CLEC2A: variants seen among roughly 807,000 people sequenced by gnomAD.
The protein encoded by CLEC2A is C-type lectin domain family 2 member A.
A neutral mutation model predicts 18.6 loss-of-function variants in CLEC2A; 19 were observed. The ratio of observed to expected loss-of-function variants is 1.02; its 90% CI spans 0.71 to 1.50. The LOEUF (loss-of-function observed/expected upper bound fraction) is 1.50, where lower values mean the gene tolerates loss of function less well. CLEC2A is among the 40% of genes most tolerant of loss of function. The pLI is 0.00. For synonymous variants in CLEC2A, 74 were observed against 64.0 expected, an observed-to-expected ratio of 1.16 and a Z score of -0.75; for missense variants, 190 against 207.9, an observed-to-expected ratio of 0.91 and a Z score of 0.53.
At chr12:9,909,712 T>G (rs1254738932), downstream of CLEC2A, among the ~76,000 whole-genome samples, 4 of 152,156 alleles carry the variant, frequency 2.6e-5, no homozygotes, top group African/African-American at 4.8e-5. Context: ...TTGCTCTACC[T>G]CACGTTGGAG....
At chr12:9,889,094 A>G in the CLEC2A span, among the ~76,000 whole-genome samples, 2 of 152,222 alleles carry the variant, frequency 1.3e-5, no homozygotes. Context: ...TGTGACATGT[A>G]ATGGCTGCAG....
intron 4 of CLEC2A, among the ~76,000 whole-genome samples, chr12:9,903,392 A>C (rs1441999221): frequency 6.6e-6 from 1 of 152,206 alleles, no homozygotes; most frequent in Non-Finnish European, 1.5e-5. Flanking sequence ...CAGCAAAAGA[A>C]GTAAGGATTG....
chr12:9,897,993 A>G (rs1429765852), downstream of CLEC2A, among the ~76,000 whole-genome samples: 1 of 152,240 alleles, frequency 6.6e-6, no homozygotes, highest in Non-Finnish European at 1.5e-5. Context: ...ATTTTCATTA[A>G]AAAGAAATCA....
downstream of CLEC2A, among the ~76,000 whole-genome samples, chr12:9,912,473 G>A (rs1863001766): frequency 6.6e-6 from 1 of 152,162 alleles, no homozygotes; most frequent in Non-Finnish European, 1.5e-5. Context: ...GAAAATAGGA[G>A]CGACAGTGAG....
At chr12:9,915,080 C>G (rs1423742850) in intron 4 of CLEC2A, among the ~76,000 whole-genome samples, 1 of 151,674 alleles carries the variant, frequency 6.6e-6, no homozygotes, top group Non-Finnish European at 1.5e-5. Flanking sequence ...ATTTATGCAG[C>G]CAACAAACAT....
At chr12:9,921,562 A>G (rs1366639811) in intron 3 of CLEC2A, among the ~76,000 whole-genome samples, 1 of 152,168 alleles carries the variant, frequency 6.6e-6, no homozygotes, top group Non-Finnish European at 1.5e-5. Context: ...ACTCCAGCCT[A>G]GGTGCCAGAG....
intron 3 of CLEC2A, among the ~76,000 whole-genome samples, chr12:9,919,425 T>G (rs1196159808): frequency 6.6e-6 from 1 of 152,186 alleles, no homozygotes; most frequent in African/African-American, 2.4e-5. Flanking sequence ...TGGACTGGCC[T>G]CCTCTCCTGC....
intron 4 of CLEC2A, among the ~76,000 whole-genome samples, chr12:9,903,270 G>T (rs1332614257): frequency 1.3e-5 from 2 of 152,020 alleles, no homozygotes; most frequent in African/African-American, 4.8e-5. Context: ...AGAATATGGA[G>T]AAGGAGATGT....
At chr12:9,923,310 A>G (rs1324619213) in intron 2 of CLEC2A, among the ~76,000 whole-genome samples, 5 of 152,252 alleles carry the variant, frequency 3.3e-5, no homozygotes, top group African/African-American at 1.2e-4. Context: ...TTACGCAGCC[A>G]ACAGACACAG....
intron 4 of CLEC2A, among the ~76,000 whole-genome samples, chr12:9,913,940 A>G (rs1863028003): frequency 6.6e-6 from 1 of 152,204 alleles, no homozygotes; most frequent in African/African-American, 2.4e-5. Flanking sequence ...AGGTATACAA[A>G]GACGGGGTAA....
downstream of CLEC2A, among the ~76,000 whole-genome samples, chr12:9,912,251 G>A (rs1862997980): frequency 6.6e-6 from 1 of 152,174 alleles, no homozygotes; most frequent in South Asian, 2.1e-4. Context: ...GTGGGGAAGG[G>A]GAAGGCTGTG....
At chr12:9,932,196 A>G (rs1011210834) in intron 1 of CLEC2A, 79 bp downstream of exon 1, 14 of 1,028,870 alleles carry the variant, frequency 1.4e-5, no homozygotes, top group Non-Finnish European at 2.1e-5. Context: ...CAGTAAGTAA[A>G]GAGTCCATAT....
the CLEC2A span, among the ~76,000 whole-genome samples, chr12:9,883,125 C>T: frequency 6.6e-6 from 1 of 152,152 alleles, no homozygotes; most frequent in Non-Finnish European, 1.5e-5. Flanking sequence ...ACATTTGCTT[C>T]CAAGCTTCCT....
Position 9,913,632 on chromosome 12 carries a change from T to C in CLEC2A, c.459A>G (p.Gly153=). 1.9e-6 allele frequency: 3 copies of C among 1,550,058 alleles called. No individual in the cohort carries two copies. ...CAATAAATCCTCTGGAACTATGGACTCCATCAGCACTCAAGAAAGCAAAGG... is the reference window on the plus strand; with the variant it reads ...CAATAAATCCTCTGGAACTATGGACCCCATCAGCACTCAAGAAAGCAAAGG... ...NGSFAFLSAD[G]VHSSRGFIDI... is the part of the protein sequence containing the mutation. The change falls in exon 5 of 5, where the codon GGA becomes GGG. Residue 153 remains glycine (G), a synonymous_variant. Transcript: ENST00000455827.
At chr12:9,902,951 C>A (rs540908142) in intron 4 of CLEC2A, among the ~76,000 whole-genome samples, 28 of 152,214 alleles carry the variant, frequency 1.8e-4, no homozygotes, top group African/African-American at 5.5e-4. Flanking sequence ...GGGAAGAGGT[C>A]TGCCTGTGGA....
intron 4 of CLEC2A, among the ~76,000 whole-genome samples, chr12:9,905,171 G>A (rs77051076): frequency 0.016 from 2,496 of 152,312 alleles, 61 homozygotes; most frequent in African/African-American, 0.057. Context: ...AGGGTAGGCC[G>A]TAGGATAACG....
intron 4 of CLEC2A, among the ~76,000 whole-genome samples, chr12:9,916,084 TA>T (rs932448684): frequency 6.5e-4 from 99 of 151,608 alleles, no homozygotes; most frequent in African/African-American, 2.3e-3. Flanking sequence ...AAACAAAAAT[TA>T]AAAAAATAAA....
chr12:9,903,425 G>A (rs970732714), intron 4 of CLEC2A, among the ~76,000 whole-genome samples: 2 of 152,100 alleles, frequency 1.3e-5, no homozygotes, highest in Admixed American at 6.5e-5. Flanking sequence ...CTTCCCATCT[G>A]CTGAAACATT....
downstream of CLEC2A, among the ~76,000 whole-genome samples, chr12:9,909,179 T>C (rs1862945844): frequency 6.6e-6 from 1 of 152,186 alleles, no homozygotes; most frequent in Non-Finnish European, 1.5e-5. Flanking sequence ...TTCTATAGGC[T>C]CTTCATCCTT....
Sources: gnomAD v4.1 joint callset for allele counts (sites outside exome capture counted in the v4.1 genomes callset) on GRCh38, gnomAD v4.1.1 for gene constraint, MANE v1.5 for transcripts, NCBI Gene and HGNC (gene_info 2026-07-23, HGNC 2026-07-21) for gene names.